The following VCAN variants were observed in gnomAD, a reference collection of about 807,000 sequenced individuals.
VCAN encodes the protein versican.
Under a neutral mutation model 245.5 loss-of-function variants are expected in VCAN, and 44 were observed. The observed-to-expected ratio is 0.18, with a 90% CI of 0.14 to 0.23. VCAN has a LOEUF of 0.23. Among genes scored for constraint, VCAN ranks in the 10% least tolerant of loss-of-function variants. The pLI, the probability that VCAN is intolerant of heterozygous loss-of-function variation, is 1.00. For missense variants in VCAN, 3,793 were observed against 4,057.9 expected (o/e 0.93, Z 1.77); for synonymous variants, 1,413 against 1,437.0 (o/e 0.98, Z 0.38).
rs372778379 is a variant in VCAN at position 83,519,815 on chromosome 5, A to G, written c.1509A>G (p.Glu503=). The stretch of plus-strand genomic sequence containing the variant: ...TGGGTCCTTTGGTAACATCTATGGA[A>G]ATCTTAAAGCACATTCCTTCCAAGG... The part of the protein sequence containing the change: ...IEVGPLVTSM[E]ILKHIPSKEF... Residue 503 remains glutamate (E), a synonymous_variant, in exon 7 of 15, where the codon GAA becomes GAG. Coordinates refer to ENST00000265077, the MANE Select transcript of VCAN (RefSeq NM_004385.5). The G allele has an allele frequency of 6.2e-7, 1 of 1,614,054 alleles. No individual in the cohort carries two copies. Among genetic ancestry groups the G allele is most frequent in the Non-Finnish European group, 8.5e-7 (1 of 1,180,002 alleles).
intron 9 of VCAN, among the ~76,000 whole-genome samples, chr5:83,546,225 G>A (rs751963183): frequency 2.7e-5 from 4 of 148,144 alleles, no homozygotes; most frequent in Non-Finnish European, 4.4e-5. Flanking sequence ...TCTTATTTAG[G>A]CATCCTTCTC....
chr5:83,544,717 C>A (rs184945608), intron 8 of VCAN, among the ~76,000 whole-genome samples: 1,884 of 152,172 alleles, frequency 0.012, 10 homozygotes, highest in South Asian at 0.026. Context: ...AGCAATATTG[C>A]AATATAAAAT....
rs1301780156 is a variant in VCAN, at chr5:83,572,642, A to G, written c.9880+82A>G. ...ATTCAGGAATTTGTGTCTCAAATTC[A>G]TTGTTTGAGACACAAACTGGATATG... is the stretch of plus-strand genomic sequence containing the variant. On this transcript the variant is annotated intron_variant, in intron 13 of 14. Transcript: ENST00000265077. The G allele has an allele frequency of 4.6e-6, 7 of 1,532,910 alleles. No homozygotes were observed. The Admixed American group carries it at 5.1e-5, about 11-fold the overall frequency. 95.0% of individuals were successfully genotyped at this position (1,532,910 alleles called of 1,614,324 possible).
intron 1 of VCAN, among the ~76,000 whole-genome samples, chr5:83,478,823 T>A (rs1026652237): frequency 6.6e-6 from 1 of 152,322 alleles, no homozygotes; most frequent in African/African-American, 2.4e-5. Flanking sequence ...CAAAGACTGC[T>A]CTGTTGGAAC....
chr5:83,526,190 G>A (rs141158699), intron 7 of VCAN, among the ~76,000 whole-genome samples: 75 of 152,176 alleles, frequency 4.9e-4, no homozygotes, highest in African/African-American at 1.7e-3. Context: ...CACCTGCCAC[G>A]GCCTCCCAAA....
intron 5 of VCAN, among the ~76,000 whole-genome samples, chr5:83,508,163 G>A (rs564044441): frequency 2.4e-4 from 36 of 152,202 alleles, no homozygotes; most frequent in African/African-American, 8.7e-4. Context: ...GAGGCAATTG[G>A]CATCATACAT....
chr5:83,500,870 T>C (rs1036372379), intron 5 of VCAN, among the ~76,000 whole-genome samples: 1 of 152,210 alleles, frequency 6.6e-6, no homozygotes, highest in East Asian at 1.9e-4. Context: ...TACTTTGAAC[T>C]TTTTGAGGAA....
intron 8 of VCAN, 109 bp from the exon 9 acceptor site, chr5:83,545,428 C>T (rs1312600918): frequency 5.8e-6 from 5 of 856,640 alleles, no homozygotes; most frequent in African/African-American, 5.0e-5. Context: ...CTCTAAATTG[C>T]TATGGTAAAG....
chr5:83,523,450 A>C (rs1344677368), intron 7 of VCAN, among the ~76,000 whole-genome samples: 1 of 149,690 alleles, frequency 6.7e-6, no homozygotes, highest in East Asian at 2.0e-4. Context: ...TACTGTTGGA[A>C]TATTCCCTTT....
chr5:83,514,697 G>A (rs1347878926), intron 6 of VCAN, among the ~76,000 whole-genome samples: 1 of 152,138 alleles, frequency 6.6e-6, no homozygotes, highest in Non-Finnish European at 1.5e-5. Flanking sequence ...GACCTCAGGT[G>A]ATCCACCCAT....
chr5:83,536,589 A>C (rs1746720051), intron 7 of VCAN: 1 of 155,032 alleles, frequency 6.5e-6, no homozygotes, highest in Non-Finnish European at 1.4e-5. Context: ...GCTATAGAAA[A>C]AGTAATTAAT....
At chr5:83,575,386 T>A (rs537600443) in intron 13 of VCAN, among the ~76,000 whole-genome samples, 1 of 152,294 alleles carries the variant, frequency 6.6e-6, no homozygotes, top group East Asian at 1.9e-4. Flanking sequence ...AAATCAAGTA[T>A]TTTCTATTTT....
In VCAN at chr5:83,538,570, T is replaced by G. The variant is rs1746824714; in HGVS notation, c.5567T>G (p.Val1856Gly). 1 of 1,613,804 alleles carries G rather than the reference T, an allele frequency of 6.2e-7. No individual in the cohort carries two copies. The highest frequency in any genetic ancestry group is 1.1e-5 in the South Asian group (1 of 91,080). ...ACTGTTTCTTCATTTTCATTAAACG[T>G]AGAGTATGCAATTCAAGCCGAAAAG... ...TTTVSSFSLN[V>G]EYAIQAEKEV... The change falls in exon 8 of 15, where the codon GTA becomes GGA. Residue 1856 changes from valine to glycine, a missense_variant. Physicochemically the swap from Val to Gly is moderately radical, Grantham distance 109 (BLOSUM62 -3). This residue lies in a region of VCAN where 3,182 missense variants were observed against 3,250.3 expected (regional missense o/e 0.98). Transcript: ENST00000265077.
chr5:83,533,172 G>T lies in VCAN; in HGVS notation c.4004-3835G>T, dbSNP rs1016559850. Among the ~76,000 whole-genome samples the T allele has an allele frequency of 2.0e-5, 3 of 151,994 alleles. No individual in the cohort carries two copies. The South Asian group carries it at 6.2e-4, about 32-fold the overall frequency. ...TCTCAATTACTTAATTTATTTTGAT[G>T]TGCTGCCAGCTTCATGATGAGAAAC... On this transcript the variant is annotated intron_variant, in intron 7 of 14. Coordinates refer to ENST00000265077, the MANE Select transcript of VCAN (RefSeq NM_004385.5).
intron 3 of VCAN, among the ~76,000 whole-genome samples, chr5:83,492,388 A>G (rs1029403524): frequency 5.3e-5 from 8 of 152,202 alleles, no homozygotes; most frequent in African/African-American, 1.9e-4. Context: ...GTGTTCTTAA[A>G]TGGGATGACT....
chr5:83,494,921 G>A (rs1580606465), intron 5 of VCAN, among the ~76,000 whole-genome samples: 1 of 152,104 alleles, frequency 6.6e-6, no homozygotes, highest in Non-Finnish European at 1.5e-5. Flanking sequence ...AGGCTGTAGC[G>A]AGCTGAGGAG....
At chr5:83,482,546 A>G (rs1744648770) in intron 1 of VCAN, among the ~76,000 whole-genome samples, 1 of 152,224 alleles carries the variant, frequency 6.6e-6, no homozygotes, top group African/African-American at 2.4e-5. Flanking sequence ...ACGCATGGCT[A>G]TTATAGAATA....
At chr5:83,483,624 AAT>A in intron 2 of VCAN, 36 bp downstream of exon 2, 1 of 1,583,110 alleles carries the variant, frequency 6.3e-7, no homozygotes, top group Non-Finnish European at 8.7e-7. Context: ...TGTTAATTGA[AAT>A]AAAAATGTAA....
At position 83,490,377 on chromosome 5, in the gene VCAN, T is replaced by C. The variant is rs377121164; in HGVS notation, c.350T>C (p.Val117Ala). 3.1e-6 allele frequency: 5 copies of C among 1,614,082 alleles called. No homozygotes were observed. Among genetic ancestry groups the C allele is most frequent in the Non-Finnish European group, 4.2e-6 (5 of 1,180,044 alleles). ...PEAVGDASLTVVKLLASDAGL... is the reference protein window; with the variant it reads ...PEAVGDASLTAVKLLASDAGL... Reference sequence around the variant, plus strand: ...GCTGTGGGCGATGCCTCCCTCACTGTGGTCAAGCTGCTGGCAAGTGATGCG... The same window carrying C: ...GCTGTGGGCGATGCCTCCCTCACTGCGGTCAAGCTGCTGGCAAGTGATGCG... The change falls in exon 3 of 15, where the codon GTG becomes GCG. Residue 117 changes from valine to alanine, a missense_variant. Val to Ala is a moderately conservative substitution (Grantham distance 64). Around this residue, in one of 5 missense-constraint regions of VCAN, gnomAD observed 179 missense variants for 169.7 expected, o/e 1.05. Coordinates refer to ENST00000265077, the MANE Select transcript of VCAN (RefSeq NM_004385.5).
Sources: allele counts gnomAD v4.1 joint callset (sites outside exome capture counted in the v4.1 genomes callset), GRCh38; gene constraint gnomAD v4.1.1; regional missense constraint gnomAD v4.1.1; transcripts MANE v1.5; gene names NCBI Gene and HGNC (gene_info 2026-07-23, HGNC 2026-07-21).